Variants in ADGRL4 observed in about 807,000 individuals in gnomAD.
The protein encoded by ADGRL4 is adhesion G protein-coupled receptor L4.
Under a neutral mutation model 74.8 loss-of-function variants are expected in ADGRL4, and 90 were observed. The observed-to-expected ratio is 1.20, with a 90% CI of 1.02 to 1.43. The LOEUF (loss-of-function observed/expected upper bound fraction) is 1.43, where lower values mean the gene tolerates loss of function less well. ADGRL4 is among the 40% of genes most tolerant of loss of function. The pLI is 0.00. For missense variants in ADGRL4, 881 were observed against 814.3 expected, an observed-to-expected ratio of 1.08 and a Z score of -1.00; for synonymous variants, 311 against 279.2, an observed-to-expected ratio of 1.11 and a Z score of -1.14.
intron 13 of ADGRL4, 23 bp downstream of exon 13, chr1:78,893,075 A>AAAAT: frequency 7.2e-7 from 1 of 1,386,038 alleles, no homozygotes. Context: ...AAAAAAAAAA[A>AAAAT]GTGAACTTAA....
intron 12 of ADGRL4, among the ~76,000 whole-genome samples, chr1:78,902,511 A>G (rs1041019144): frequency 2.0e-5 from 3 of 152,180 alleles, no homozygotes; most frequent in Non-Finnish European, 4.4e-5. Context: ...AGGGGGTAAC[A>G]GAGCCAATAT....
At chr1:78,905,825 C>G (rs1186528062) in intron 12 of ADGRL4, among the ~76,000 whole-genome samples, 1 of 151,906 alleles carries the variant, frequency 6.6e-6, no homozygotes, top group Non-Finnish European at 1.5e-5. Context: ...CATAAAGGAG[C>G]ATTTAGCCAT....
In ADGRL4 at chr1:78,967,335, C is replaced by T. The variant is rs74093939; in HGVS notation, c.173-20909G>A. The stretch of plus-strand genomic sequence containing the variant: ...AGACATGGGGTAAAATGGAACATAC[C>T]ACACCCTTAATTATGCTGGAAGGAG... On this transcript the variant is annotated intron_variant, in intron 2 of 14. Coordinates refer to ENST00000370742, the MANE Select transcript of ADGRL4 (RefSeq NM_022159.4). Among the ~76,000 whole-genome samples, 995 of 152,198 alleles carry T rather than the reference C, an allele frequency of 6.5e-3. 14 individuals carry two copies. Among genetic ancestry groups the T allele is most frequent in the African/African-American group, 0.023 (971 of 41,540 alleles).
intron 2 of ADGRL4, among the ~76,000 whole-genome samples, chr1:79,004,317 T>C (rs916671079): frequency 6.6e-6 from 1 of 152,108 alleles, no homozygotes; most frequent in African/African-American, 2.4e-5. Flanking sequence ...ATGGATCCAG[T>C]TAAAACTAGA....
At chr1:78,908,740 G>A (rs533034033) in intron 12 of ADGRL4, among the ~76,000 whole-genome samples, 7 of 151,966 alleles carry the variant, frequency 4.6e-5, no homozygotes, top group African/African-American at 1.7e-4. Context: ...AAATACTAGC[G>A]ATGAATCTCA....
At chr1:78,895,332 G>A (rs527447154) in intron 12 of ADGRL4, among the ~76,000 whole-genome samples, 52 of 152,116 alleles carry the variant, frequency 3.4e-4, no homozygotes, top group African/African-American at 1.2e-3. Context: ...GTCTGGTGCA[G>A]TGGCAAGGGC....
chr1:78,900,066 G>A (rs1648486134), intron 12 of ADGRL4, among the ~76,000 whole-genome samples: 1 of 152,144 alleles, frequency 6.6e-6, no homozygotes, highest in South Asian at 2.1e-4. Flanking sequence ...CAAAAATGAA[G>A]TGGAGGTAGA....
chr1:78,939,243 T>C lies in ADGRL4; in HGVS notation c.341A>G (p.Asn114Ser). The change falls in exon 4 of 15, where the codon AAC becomes AGC. Residue 114 changes from asparagine (N) to serine (S), a missense_variant. Physicochemically the swap from Asn to Ser is conservative, Grantham distance 46. Transcript: ENST00000370742. The stretch of plus-strand genomic sequence containing the variant: ...TATACAGACATTATCTAAATGGCAG[T>C]TTGCATTCACATTTTCTGTAAAAAA... ...GTVCIENVNA[N>S]CHLDNVCIAA... 1 of 1,563,906 alleles carries C rather than the reference T, an allele frequency of 6.4e-7. No individual in the cohort carries two copies. The highest frequency in any genetic ancestry group is 8.6e-7 in the Non-Finnish European group (1 of 1,157,574).
chr1:78,996,201 T>C (rs921372349), intron 2 of ADGRL4, among the ~76,000 whole-genome samples: 9 of 152,172 alleles, frequency 5.9e-5, no homozygotes, highest in Non-Finnish European at 2.9e-5. Flanking sequence ...GTCACTTGCC[T>C]TTCTGGCTGC....
At chr1:78,892,980 A>G in intron 13 of ADGRL4, 118 bp downstream of exon 13, 1 of 628,444 alleles carries the variant, frequency 1.6e-6, no homozygotes, top group Non-Finnish European at 2.7e-6. Context: ...TCTTTTAAAT[A>G]TGGTAAAGTA....
At chr1:78,991,951 TTTC>T (rs1650615569) in intron 2 of ADGRL4, among the ~76,000 whole-genome samples, 1 of 152,024 alleles carries the variant, frequency 6.6e-6, no homozygotes, top group Non-Finnish European at 1.5e-5. Flanking sequence ...ACAAAATCAA[TTTC>T]TTATCAGCCA....
intron 2 of ADGRL4, among the ~76,000 whole-genome samples, chr1:78,994,460 T>G (rs1416634325): frequency 6.6e-6 from 1 of 152,188 alleles, no homozygotes; most frequent in Non-Finnish European, 1.5e-5. Flanking sequence ...GCAGACTGAA[T>G]TTTTGTAGTT....
At chr1:78,979,853 C>T (rs12128198) in intron 2 of ADGRL4, among the ~76,000 whole-genome samples, 11,786 of 151,690 alleles carry the variant, frequency 0.078, 477 homozygotes, top group South Asian at 0.11. Context: ...GCTATGAGGA[C>T]GCAAAGGCAT....
At chr1:78,963,200 A>G (rs962852936) in intron 2 of ADGRL4, among the ~76,000 whole-genome samples, 1 of 152,230 alleles carries the variant, frequency 6.6e-6, no homozygotes, top group South Asian at 2.1e-4. Flanking sequence ...TCAAACATCT[A>G]TTATTGACAA....
chr1:78,938,169 T>C lies in ADGRL4; in HGVS notation c.507A>G (p.Ser169=). ...TGTTCTTGTAACCTAGTAATGAAGA[T>C]GATTCAGCTAATATTTCTATATATG... ...IITYIEILAE[S]SSLLGYKNNT... is the part of the protein sequence containing the mutation. The change falls in exon 5 of 15, where the codon TCA becomes TCG. Residue 169 remains serine, a synonymous_variant. Transcript: ENST00000370742. 21 of 1,612,808 alleles carry C rather than the reference T, an allele frequency of 1.3e-5. No individual in the cohort carries two copies. The highest frequency in any genetic ancestry group is 1.8e-5 in the Non-Finnish European group (21 of 1,179,524).
At chr1:78,995,297 T>C (rs1470227928) in intron 2 of ADGRL4, among the ~76,000 whole-genome samples, 1 of 152,170 alleles carries the variant, frequency 6.6e-6, no homozygotes, top group Non-Finnish European at 1.5e-5. Context: ...AGAAAATTGA[T>C]CCAGAAATTC....
chr1:78,936,847 C>T (rs961594513), intron 6 of ADGRL4, among the ~76,000 whole-genome samples: 6 of 152,014 alleles, frequency 3.9e-5, no homozygotes, highest in African/African-American at 1.4e-4. Context: ...ATATAGAGCA[C>T]CTATATATTA....
chr1:78,906,741 A>C (rs1648649567), intron 12 of ADGRL4, among the ~76,000 whole-genome samples: 1 of 152,012 alleles, frequency 6.6e-6, no homozygotes, highest in Non-Finnish European at 1.5e-5. Context: ...TGTAACCTTT[A>C]AGGTATAAAA....
chr1:78,936,365 A>T lies in ADGRL4; in HGVS notation c.807T>A (p.His269Gln), dbSNP rs895905301. 3 of 1,584,880 alleles carry T rather than the reference A, an allele frequency of 1.9e-6. No homozygotes were observed. Among genetic ancestry groups the T allele is most frequent in the Non-Finnish European group, 2.6e-6 (3 of 1,170,128 alleles). The part of the protein sequence containing the change: ...FFDSYNMKHI[H>Q]PHMNMDGDYI... Reference sequence around the variant, plus strand: ...AGTCTCCATCCATATTCATATGAGGATGAATATGTTTCATGTTATATGAAT... The same window carrying T: ...AGTCTCCATCCATATTCATATGAGGTTGAATATGTTTCATGTTATATGAAT... The change falls in exon 7 of 15, where the codon CAT (histidine) becomes CAA (glutamine). Residue 269 changes from histidine to glutamine, a missense_variant. Physicochemically the swap from His to Gln is conservative, Grantham distance 24. Transcript: ENST00000370742.
Sources: gnomAD v4.1 joint callset for allele counts (sites outside exome capture counted in the v4.1 genomes callset) on GRCh38, gnomAD v4.1.1 for gene constraint, MANE v1.5 for transcripts, NCBI Gene and HGNC (gene_info 2026-07-23, HGNC 2026-07-21) for gene names.